The following GRM7 variants were observed in gnomAD, a reference collection of about 807,000 sequenced individuals.
GRM7 encodes the protein metabotropic glutamate receptor 7.
GRM7 carries 35 observed loss-of-function variants against 84.5 expected under a neutral mutation model. The observed-to-expected ratio is 0.41, with a 90% confidence interval of 0.32 to 0.55. GRM7 has a LOEUF of 0.55. GRM7 is among the 20% of genes least tolerant of loss of function. GRM7 has a pLI of 0.19. For synonymous variants in GRM7, 487 were observed against 455.1 expected, an observed-to-expected ratio of 1.07 and a Z score of -0.89; for missense variants, 1,003 against 1,194.6, an observed-to-expected ratio of 0.84 and a Z score of 2.36.
At chr3:6,950,216 A>C (rs1016875516) in intron 1 of GRM7, among the ~76,000 whole-genome samples, 15 of 152,058 alleles carry the variant, frequency 9.9e-5, no homozygotes, top group African/African-American at 3.1e-4. Context: ...GATGATGGTG[A>C]TGTACAGATG....
intron 4 of GRM7, among the ~76,000 whole-genome samples, chr3:7,334,807 C>T (rs1055329429): frequency 1.3e-5 from 2 of 152,026 alleles, no homozygotes; most frequent in African/African-American, 2.4e-5. Context: ...AAAGCAACAA[C>T]AGTTAGATAA....
intron 2 of GRM7, among the ~76,000 whole-genome samples, chr3:7,230,229 A>T (rs1697150249): frequency 6.6e-6 from 1 of 152,302 alleles, no homozygotes; most frequent in South Asian, 2.1e-4. Flanking sequence ...ATTTATGTTT[A>T]CAACAATTTT....
intron 1 of GRM7, among the ~76,000 whole-genome samples, chr3:7,144,607 A>T (rs1379099846): frequency 3.3e-5 from 5 of 152,164 alleles, no homozygotes; most frequent in Non-Finnish European, 5.9e-5. Flanking sequence ...CCCATGTATT[A>T]AGCACTCCTC....
chr3:6,921,899 C>A (rs1697138371), intron 1 of GRM7, among the ~76,000 whole-genome samples: 1 of 152,164 alleles, frequency 6.6e-6, no homozygotes. Context: ...GAATCACAGA[C>A]CGAGATGCTG....
chr3:7,030,585 T>G (rs1243114989), intron 1 of GRM7, among the ~76,000 whole-genome samples: 1 of 152,206 alleles, frequency 6.6e-6, no homozygotes, highest in Non-Finnish European at 1.5e-5. Flanking sequence ...CCAAAAGCTG[T>G]TTTTATTTAT....
chr3:7,424,288 G>A (rs1189933171), intron 5 of GRM7, among the ~76,000 whole-genome samples: 1 of 150,492 alleles, frequency 6.6e-6, no homozygotes, highest in African/African-American at 2.4e-5. Flanking sequence ...TTTGGCCTTC[G>A]TTTAAAACCA....
At chr3:7,344,734 A>G (rs900490576) in intron 4 of GRM7, among the ~76,000 whole-genome samples, 1 of 152,152 alleles carries the variant, frequency 6.6e-6, no homozygotes, top group South Asian at 2.1e-4. Context: ...GATTTCACTG[A>G]AGGGAGTAGA....
chr3:7,430,766 T>C (rs1361451340), intron 5 of GRM7, among the ~76,000 whole-genome samples: 4 of 152,234 alleles, frequency 2.6e-5, no homozygotes, highest in African/African-American at 9.6e-5. Context: ...TTTCGAGATG[T>C]TTCTGTAGCA....
At chr3:7,543,291 C>T (rs1181019554) in intron 7 of GRM7, among the ~76,000 whole-genome samples, 1 of 152,160 alleles carries the variant, frequency 6.6e-6, no homozygotes, top group Admixed American at 6.5e-5. Flanking sequence ...ATCACAGTAC[C>T]AATTTGGCTC....
chr3:7,607,964 A>G, intron 8 of GRM7: 1 of 231,558 alleles, frequency 4.3e-6, no homozygotes, highest in South Asian at 4.1e-5. Flanking sequence ...GCTTCCACTT[A>G]TAAGTGAGAA....
intron 1 of GRM7, among the ~76,000 whole-genome samples, chr3:6,995,047 C>T (rs1694783212): frequency 6.6e-6 from 1 of 152,164 alleles, no homozygotes; most frequent in Non-Finnish European, 1.5e-5. Flanking sequence ...AGTTGGTACA[C>T]CACTTTCCAC....
At chr3:7,253,086 C>G (rs1698064508) in intron 2 of GRM7, among the ~76,000 whole-genome samples, 1 of 147,420 alleles carries the variant, frequency 6.8e-6, no homozygotes, top group South Asian at 2.2e-4. Context: ...CAGCAAGGAG[C>G]TACAGTTGAG....
intron 1 of GRM7, among the ~76,000 whole-genome samples, chr3:6,891,744 G>T (rs1695958218): frequency 6.6e-6 from 1 of 152,116 alleles, no homozygotes; most frequent in Non-Finnish European, 1.5e-5. Flanking sequence ...TATCTTTGTG[G>T]CGTTCTCTGT....
intron 7 of GRM7, among the ~76,000 whole-genome samples, chr3:7,497,412 C>T (rs1412066312): frequency 6.6e-6 from 1 of 152,142 alleles, no homozygotes; most frequent in Non-Finnish European, 1.5e-5. Flanking sequence ...TGAATTCTTC[C>T]TTCCATGATC....
chr3:6,992,243 T>C (rs1694668405), intron 1 of GRM7, among the ~76,000 whole-genome samples: 1 of 152,200 alleles, frequency 6.6e-6, no homozygotes, highest in Admixed American at 6.5e-5. Context: ...ATACACTCAA[T>C]TCAACAAGTA....
rs528198615 is a variant in GRM7, at chr3:7,613,035, C to CT, written c.2451+33689dup. ...ACATGAATATATAGTGTTTCCAAGT[C>CT]TTTTTTTTTTTAACATATTTATGTT... On this transcript the variant is annotated intron_variant, in intron 8 of 9. Transcript: ENST00000357716. Among the ~76,000 whole-genome samples, 310 of 146,174 alleles carry CT rather than the reference C, an allele frequency of 2.1e-3. 1 individual carries two copies. The highest frequency in any genetic ancestry group is 6.2e-3 in the African/African-American group (249 of 40,204).
intron 2 of GRM7, among the ~76,000 whole-genome samples, chr3:7,184,850 G>T (rs1362931059): frequency 6.6e-6 from 1 of 152,074 alleles, no homozygotes; most frequent in Non-Finnish European, 1.5e-5. Context: ...TCACTCTCGT[G>T]TTTATAATGA....
chr3:7,533,674 T>C (rs1422289005), intron 7 of GRM7, among the ~76,000 whole-genome samples: 3 of 152,198 alleles, frequency 2.0e-5, no homozygotes, highest in Non-Finnish European at 4.4e-5. Context: ...TGATATTTAC[T>C]GAATGTCTGT....
intron 4 of GRM7, among the ~76,000 whole-genome samples, chr3:7,318,022 A>C (rs1454334530): frequency 6.6e-6 from 1 of 152,088 alleles, no homozygotes; most frequent in Non-Finnish European, 1.5e-5. Context: ...GTGAAGTCTA[A>C]AATCTGAAAC....
Sources: gnomAD v4.1 joint callset for allele counts (sites outside exome capture counted in the v4.1 genomes callset) on GRCh38, gnomAD v4.1.1 for gene constraint, MANE v1.5 for transcripts, NCBI Gene and HGNC (gene_info 2026-07-23, HGNC 2026-07-21) for gene names.